Variants in ELL observed in about 807,000 individuals in gnomAD.
ELL encodes the protein elongation factor for RNA polymerase II.
ELL carries 18 observed loss-of-function variants against 64.0 expected under a neutral mutation model. The ratio of observed to expected loss-of-function variants is 0.28; its 90% CI spans 0.19 to 0.42. The LOEUF (loss-of-function observed/expected upper bound fraction) is 0.42. Among genes scored for constraint, ELL ranks in the 10% least tolerant of loss-of-function variants. ELL has a pLI of 1.00. For missense variants in ELL, 797 were observed against 870.4 expected, an observed-to-expected ratio of 0.92 and a Z score of 1.06; for synonymous variants, 399 against 376.2, an observed-to-expected ratio of 1.06 and a Z score of -0.70.
rs750957917 is a variant in ELL at position 18,450,937 on chromosome 19, G to C, written c.1005C>G (p.Ala335=). 1 of 1,533,434 alleles carries C rather than the reference G, an allele frequency of 6.5e-7. No homozygotes were observed. 95.0% of individuals were successfully genotyped at this position (1,533,434 alleles called of 1,614,324 possible). Residue 335 remains alanine (A), a synonymous_variant, in exon 8 of 12, where the codon GCC becomes GCG. Coordinates refer to ENST00000262809, the MANE Select transcript of ELL (RefSeq NM_006532.4). ...LQPPDFIDPL[A]NKKPRISHFT... ...AGTGCGATATCCGGGGTTTCTTGTT[G>C]GCTAGGGGGTCGATGAAATCAGGAG...
intron 1 of ELL, among the ~76,000 whole-genome samples, chr19:18,476,914 A>C (rs973610993): frequency 5.3e-5 from 8 of 152,222 alleles, no homozygotes; most frequent in African/African-American, 1.9e-4. Context: ...AATCATGGCC[A>C]GCCCTGTGCG....
At chr19:18,450,411 G>A (rs1264622888) in intron 8 of ELL, 66 bp downstream of exon 8, 1 of 1,572,386 alleles carries the variant, frequency 6.4e-7, no homozygotes, top group Non-Finnish European at 8.6e-7. Flanking sequence ...GACACCCCAT[G>A]AGGGTGAGGC....
intron 7 of ELL, 47 bp downstream of exon 7, chr19:18,451,505 T>A (rs1974535326): frequency 2.9e-6 from 4 of 1,395,188 alleles, no homozygotes; most frequent in South Asian, 1.4e-5. Context: ...CAGCACAGAG[T>A]GCCCTGCAGG....
At chr19:18,487,136 C>A (rs900757097) in intron 1 of ELL, among the ~76,000 whole-genome samples, 37 of 152,166 alleles carry the variant, frequency 2.4e-4, no homozygotes, top group African/African-American at 8.9e-4. Flanking sequence ...ACCAGGAGAC[C>A]CCCTGAGAAA....
intron 1 of ELL, among the ~76,000 whole-genome samples, chr19:18,486,283 GAAGA>G (rs1975414904): frequency 6.6e-6 from 1 of 152,168 alleles, no homozygotes; most frequent in South Asian, 2.1e-4. Flanking sequence ...ACAGGGGCAG[GAAGA>G]GAGAGGCTGC....
intron 1 of ELL, among the ~76,000 whole-genome samples, chr19:18,500,946 G>A (rs61513729): frequency 1.3e-5 from 2 of 152,054 alleles, no homozygotes; most frequent in Non-Finnish European, 2.9e-5. Context: ...GCGGCTGCTC[G>A]CCAAATTCAA....
chr19:18,500,899 T>C (rs1216144310), intron 1 of ELL, among the ~76,000 whole-genome samples: 1 of 151,938 alleles, frequency 6.6e-6, no homozygotes, highest in Non-Finnish European at 1.5e-5. Context: ...TACCAGCCAA[T>C]TTGCACACAG....
rs1272084603 is a variant in ELL, at chr19:18,444,515, G to A, written c.*237C>T. On this transcript the variant is annotated 3_prime_UTR_variant, in exon 12 of 12. Coordinates refer to ENST00000262809, the MANE Select transcript of ELL (RefSeq NM_006532.4). ...AACCCCGGAGGCTGCAGCCAGGGAG[G>A]AGGCAGTGGGCTTCCTGGGGAGCCC... is the stretch of plus-strand genomic sequence containing the variant. 5.1e-5 allele frequency: 24 copies of A among 468,166 alleles called. No individual in the cohort carries two copies. Among genetic ancestry groups the A allele is most frequent in the Non-Finnish European group, 8.4e-5 (22 of 262,750 alleles). The allele number at this position is 468,166 out of a possible 1,614,324, so 29.0% of individuals were successfully genotyped here. A position where few individuals can be genotyped will look rare whatever the true frequency, so the allele number is the denominator to read the frequency against.
intron 1 of ELL, among the ~76,000 whole-genome samples, chr19:18,519,324 T>A (rs1053632970): frequency 6.6e-6 from 1 of 152,178 alleles, no homozygotes; most frequent in African/African-American, 2.4e-5. Flanking sequence ...TACAAAACTC[T>A]GGCTTCTGGG....
intron 1 of ELL, among the ~76,000 whole-genome samples, chr19:18,519,971 C>T (rs1164036612): frequency 6.6e-6 from 1 of 152,144 alleles, no homozygotes; most frequent in East Asian, 1.9e-4. Flanking sequence ...GGAAGCCCCT[C>T]CTGGCTGGTC....
chr19:18,462,370 C>CGGGGGGGGG (rs869305278), intron 4 of ELL, among the ~76,000 whole-genome samples: 2 of 23,048 alleles, frequency 8.7e-5, no homozygotes, highest in Non-Finnish European at 7.2e-5. Flanking sequence ...TGTGTTTGGG[C>CGGGGGGGGG]GGGGGGCGGG....
intron 8 of ELL, among the ~76,000 whole-genome samples, chr19:18,447,316 G>A (rs945459467): frequency 4.6e-5 from 7 of 152,268 alleles, no homozygotes; most frequent in African/African-American, 7.2e-5. Flanking sequence ...ATGGCCAGCA[G>A]GGCCTGCATC....
Position 18,448,106 on chromosome 19 carries a change from A to C in ELL, c.1466-1292T>G, listed in dbSNP as rs1024768055. ...TGGCGAATTTTTTTTTTTTTTTTTT[A>C]CTTTTTAGTAGAGATGAGGAGGCTT... On this transcript the variant is annotated intron_variant, in intron 8 of 11. Coordinates refer to ENST00000262809, the MANE Select transcript of ELL (RefSeq NM_006532.4). Among the ~76,000 whole-genome samples the C allele has an allele frequency of 5.4e-4, 71 of 131,526 alleles. 1 individual carries two copies. Among genetic ancestry groups the C allele is most frequent in the African/African-American group, 1.8e-3 (63 of 34,612 alleles). The allele number at this position is 131,526 out of a possible 152,430, so 86.3% of individuals were successfully genotyped here.
Position 18,465,272 on chromosome 19 carries a change from C to G in ELL, c.469+140G>C, listed in dbSNP as rs893651662. 4 of 1,249,366 alleles carry G rather than the reference C, an allele frequency of 3.2e-6. No homozygotes were observed. In the African/African-American group the frequency reaches 6.1e-5, roughly 19 times the overall value. The allele number at this position is 1,249,366 out of a possible 1,614,324, so 77.4% of individuals were successfully genotyped here. The stretch of plus-strand genomic sequence containing the variant: ...ACCCAGACTCTGGTCCAGGCACGTC[C>G]TGCTCAGGGACCGACTCCTCGGTTG... On this transcript the variant is annotated intron_variant, in intron 4 of 11. Transcript: ENST00000262809.
chr19:18,477,937 G>A (rs1001034793), intron 1 of ELL, among the ~76,000 whole-genome samples: 3 of 152,182 alleles, frequency 2.0e-5, no homozygotes, highest in African/African-American at 7.2e-5. Flanking sequence ...GTGCTAAATA[G>A]ATGGTGATGA....
chr19:18,503,333 C>G (rs1975820409), intron 1 of ELL, among the ~76,000 whole-genome samples: 1 of 152,190 alleles, frequency 6.6e-6, no homozygotes, highest in Non-Finnish European at 1.5e-5. Context: ...CTGGAAAAGG[C>G]AACTGGCAAA....
intron 7 of ELL, 34 bp from the exon 8 acceptor site, chr19:18,451,009 C>T: frequency 6.7e-7 from 1 of 1,493,304 alleles, no homozygotes; most frequent in Non-Finnish European, 8.9e-7. Context: ...TAGAGGGGAG[C>T]ACAGAGTGGC....
At chr19:18,512,558 G>A (rs192559355) in intron 1 of ELL, among the ~76,000 whole-genome samples, 1 of 152,286 alleles carries the variant, frequency 6.6e-6, no homozygotes, top group East Asian at 1.9e-4. Flanking sequence ...AGGATTGCTT[G>A]AGCCTGGGAG....
rs1275882550 is a variant in ELL at position 18,501,956 on chromosome 19, C to T, written c.135+19965G>A. Among the ~76,000 whole-genome samples the T allele has an allele frequency of 2.0e-5, 3 of 152,080 alleles. No homozygotes were observed. Among genetic ancestry groups the T allele is most frequent in the African/African-American group, 7.2e-5 (3 of 41,402 alleles). Reference sequence around the variant, plus strand: ...AAACACTGGGGCCTGGCGGGCAGGTCCTGGGGCCTCATGAGGGTGGTTTGG... The same window carrying T: ...AAACACTGGGGCCTGGCGGGCAGGTTCTGGGGCCTCATGAGGGTGGTTTGG... On this transcript the variant is annotated intron_variant, in intron 1 of 11. Coordinates refer to ENST00000262809, the MANE Select transcript of ELL (RefSeq NM_006532.4). The surrounding 1 kb of genome is among the most constrained non-coding windows in gnomAD (Gnocchi z 4.5).
Sources: allele counts gnomAD v4.1 joint callset (sites outside exome capture counted in the v4.1 genomes callset), GRCh38; gene constraint gnomAD v4.1.1; non-coding constraint Gnocchi (gnomAD v3.1); transcripts MANE v1.5; gene names NCBI Gene and HGNC (gene_info 2026-07-23, HGNC 2026-07-21).